Variants in DLGAP1 observed in about 807,000 individuals in gnomAD.
DLGAP1 encodes DLG associated protein 1.
A neutral mutation model predicts 90.8 loss-of-function variants in DLGAP1; 11 were observed. That is an observed-to-expected ratio of 0.12 (90% CI 0.08 to 0.20). The LOEUF (loss-of-function observed/expected upper bound fraction) is 0.20. Among genes scored for constraint, DLGAP1 ranks in the 10% least tolerant of loss-of-function variants. DLGAP1 has a pLI of 1.00. For synonymous variants in DLGAP1, 558 were observed against 540.7 expected (o/e 1.03, Z -0.44); for missense variants, 1,050 against 1,333.8 (o/e 0.79, Z 3.31).
chr18:3,792,868 A>C (rs2065801969), intron 5 of DLGAP1, among the ~76,000 whole-genome samples: 1 of 152,178 alleles, frequency 6.6e-6, no homozygotes, highest in Non-Finnish European at 1.5e-5. Flanking sequence ...GAGCAGCCTC[A>C]GGATGGCTCA....
At chr18:3,979,353 C>T (rs150773813) in intron 3 of DLGAP1, among the ~76,000 whole-genome samples, 39 of 152,236 alleles carry the variant, frequency 2.6e-4, no homozygotes, top group Non-Finnish European at 2.2e-4. Context: ...TGTGCTATAC[C>T]ATATAGTCTA....
At chr18:4,381,728 C>G (rs2082123519) in intron 1 of DLGAP1, among the ~76,000 whole-genome samples, 2 of 152,116 alleles carry the variant, frequency 1.3e-5, no homozygotes, top group African/African-American at 2.4e-5. Flanking sequence ...TTTAGGAGAT[C>G]TTTCTTGATT....
At chr18:3,673,411 T>A (rs2060169289) in intron 7 of DLGAP1, among the ~76,000 whole-genome samples, 1 of 152,244 alleles carries the variant, frequency 6.6e-6, no homozygotes, top group South Asian at 2.1e-4. Flanking sequence ...GGTTATCGTG[T>A]ACTGTCACTC....
intron 5 of DLGAP1, among the ~76,000 whole-genome samples, chr18:3,780,871 AGCTCACTG>A (rs71368710): frequency 0.13 from 20,361 of 152,078 alleles, 1,768 homozygotes; most frequent in East Asian, 0.42. Flanking sequence ...GTGCAATCTT[AGCTCACTG>A]GCTCACTGCA....
At chr18:3,870,371 A>G (rs1487309095) in intron 4 of DLGAP1, among the ~76,000 whole-genome samples, 2 of 152,208 alleles carry the variant, frequency 1.3e-5, no homozygotes, top group Non-Finnish European at 2.9e-5. Flanking sequence ...TCCACTTTAC[A>G]ATATTTCATG....
intron 4 of DLGAP1, among the ~76,000 whole-genome samples, chr18:3,814,824 T>C (rs1215309918): frequency 6.6e-6 from 1 of 152,226 alleles, no homozygotes. Context: ...TATTTAAAAA[T>C]GTATAAATAA....
intron 5 of DLGAP1, among the ~76,000 whole-genome samples, chr18:3,797,157 C>A (rs1878522973): frequency 6.6e-6 from 1 of 152,064 alleles, no homozygotes. Context: ...CATGGTGAAA[C>A]CTTGACTCTA....
At chr18:4,254,955 T>C (rs2078858154) in intron 1 of DLGAP1, among the ~76,000 whole-genome samples, 1 of 152,146 alleles carries the variant, frequency 6.6e-6, no homozygotes, top group African/African-American at 2.4e-5. Flanking sequence ...GAACGTAATC[T>C]AGGAAGACAC....
chr18:3,702,860 C>T (rs903740407), intron 7 of DLGAP1, among the ~76,000 whole-genome samples: 5 of 152,116 alleles, frequency 3.3e-5, no homozygotes, highest in East Asian at 1.9e-4. Context: ...ACAGGCAGTT[C>T]ATCCAGGAAG....
rs758267236 is a variant in DLGAP1, at chr18:3,502,664, A to C, written c.2572-19T>G. 66 of 1,595,524 alleles carry C rather than the reference A, an allele frequency of 4.1e-5. No homozygotes were observed. Among genetic ancestry groups the C allele is most frequent in the Non-Finnish European group, 5.6e-5 (66 of 1,174,040 alleles). ...TAGGATTCTGCACAAGAGAAAGAAA[A>C]ACATTCATGCTTTAGAAGCAATTCT... On this transcript the variant is annotated intron_variant, in intron 11 of 12. Coordinates refer to ENST00000315677, the MANE Select transcript of DLGAP1 (RefSeq NM_004746.4).
intron 7 of DLGAP1, among the ~76,000 whole-genome samples, chr18:3,703,762 C>A (rs1414153127): frequency 6.6e-6 from 1 of 152,184 alleles, no homozygotes; most frequent in Non-Finnish European, 1.5e-5. Flanking sequence ...ATTTTAGTTG[C>A]AGCTTCACAG....
intron 3 of DLGAP1, among the ~76,000 whole-genome samples, chr18:3,950,736 C>T (rs1317469060): frequency 6.6e-6 from 1 of 152,198 alleles, no homozygotes; most frequent in Non-Finnish European, 1.5e-5. Context: ...TTCCATTTAC[C>T]CTAGTCTGAG....
chr18:3,567,433 G>T, intron 9 of DLGAP1, 57 bp downstream of exon 9: 1 of 1,421,620 alleles, frequency 7.0e-7, no homozygotes, highest in Non-Finnish European at 9.8e-7. Context: ...GGGGAAAAAT[G>T]CTTTTACCTT....
At chr18:3,841,102 T>A (rs1009331681) in intron 4 of DLGAP1, among the ~76,000 whole-genome samples, 17 of 152,092 alleles carry the variant, frequency 1.1e-4, no homozygotes, top group African/African-American at 4.1e-4. Context: ...GCTTCCCCAG[T>A]GAAATACCAG....
chr18:4,086,234 G>T (rs1222739580), intron 2 of DLGAP1, among the ~76,000 whole-genome samples: 1 of 152,050 alleles, frequency 6.6e-6, no homozygotes, highest in Non-Finnish European at 1.5e-5. Flanking sequence ...GGTTCAAAAG[G>T]CATCCCAAAA....
chr18:4,222,398 C>T (rs1406587838), intron 1 of DLGAP1, among the ~76,000 whole-genome samples: 1 of 152,144 alleles, frequency 6.6e-6, no homozygotes, highest in Non-Finnish European at 1.5e-5. Context: ...ACCTGATATA[C>T]AAGGCACCAA....
At chr18:4,190,271 A>G (rs2077372056) in intron 1 of DLGAP1, among the ~76,000 whole-genome samples, 1 of 152,142 alleles carries the variant, frequency 6.6e-6, no homozygotes, top group South Asian at 2.1e-4. Context: ...TTAATAAGCT[A>G]CATGGTATAT....
At chr18:3,842,556 G>A (rs1006512671) in intron 4 of DLGAP1, among the ~76,000 whole-genome samples, 2 of 151,776 alleles carry the variant, frequency 1.3e-5, no homozygotes, top group Non-Finnish European at 2.9e-5. Flanking sequence ...AAGGAATGGC[G>A]AGAAGTGGAC....
intron 1 of DLGAP1, among the ~76,000 whole-genome samples, chr18:4,265,134 T>TTCCTTCCTTCCTTCCTTCCTTTCCTTC (rs61084906): frequency 7.1e-6 from 1 of 140,134 alleles, no homozygotes; most frequent in African/African-American, 2.9e-5. Context: ...TTCCTTCCTT[T>TTCCTTCCTTCCTTCCTTCCTTTCCTTC]CCTCCCTCCC....
Sources: allele counts gnomAD v4.1 joint callset (sites outside exome capture counted in the v4.1 genomes callset), GRCh38; gene constraint gnomAD v4.1.1; transcripts MANE v1.5; gene names NCBI Gene and HGNC (gene_info 2026-07-23, HGNC 2026-07-21).